Variants in ATP2A3 observed in about 807,000 individuals in gnomAD.
The protein encoded by ATP2A3 is sarcoplasmic/endoplasmic reticulum calcium ATPase 3.
Under a neutral mutation model 106.8 loss-of-function variants are expected in ATP2A3, and 61 were observed. The ratio of observed to expected loss-of-function variants is 0.57; its 90% CI spans 0.46 to 0.71. The LOEUF (loss-of-function observed/expected upper bound fraction) is 0.71. ATP2A3 is among the 30% of genes least tolerant of loss of function. The pLI, the probability that ATP2A3 is intolerant of heterozygous loss-of-function variation, is 0.00. For synonymous variants in ATP2A3, 611 were observed against 609.3 expected, an observed-to-expected ratio of 1.00 and a Z score of -0.04; for missense variants, 1,201 against 1,423.5, an observed-to-expected ratio of 0.84 and a Z score of 2.52.
intron 8 of ATP2A3, chr17:3,945,449 C>T (rs535310063): frequency 6.1e-5 from 19 of 310,068 alleles, no homozygotes; most frequent in Non-Finnish European, 1.0e-4. Flanking sequence ...CTGAGCTAGG[C>T]AGAAAGCCTG....
At position 3,936,637 on chromosome 17, in the gene ATP2A3, C is replaced by T. The variant is rs890517649; in HGVS notation, c.2322-168G>A. On this transcript the variant is annotated intron_variant, in intron 15 of 20. Coordinates refer to ENST00000397041, the MANE Select transcript of ATP2A3 (RefSeq NM_005173.4). The surrounding 1 kb of genome is among the most constrained non-coding windows in gnomAD (Gnocchi z 5.4). ...TGAAGGGTGTGTGTACACAGCTCTG[C>T]CTCGGGCCTGGCCAGTCCTGCCTTC... 2 of 738,146 alleles carry T rather than the reference C, an allele frequency of 2.7e-6. No homozygotes were observed. Among genetic ancestry groups the T allele is most frequent in the Non-Finnish European group, 2.3e-6 (1 of 430,184 alleles). 45.7% of individuals were successfully genotyped at this position (738,146 alleles called of 1,614,324 possible).
At chr17:3,939,001 TACAAAAAA>T (rs1464547608) in intron 14 of ATP2A3, among the ~76,000 whole-genome samples, 1 of 151,884 alleles carries the variant, frequency 6.6e-6, no homozygotes, top group Non-Finnish European at 1.5e-5. Flanking sequence ...ACCTCATCTC[TACAAAAAA>T]TTAAAAAATT....
intron 14 of ATP2A3, among the ~76,000 whole-genome samples, chr17:3,940,055 T>TG (rs2053674310): frequency 7.0e-6 from 1 of 142,320 alleles, no homozygotes; most frequent in Non-Finnish European, 1.5e-5. Context: ...TTTTTGTTTT[T>TG]TTTTTTTTTG....
In ATP2A3 at chr17:3,947,359, C is replaced by T. The variant is rs572970066; in HGVS notation, c.1095+32G>A. ...AGAGGGAGCCCAGCCTGCTCTGCAA[C>T]GCACAGCAACACCAAGCTGGCCGTC... is the stretch of plus-strand genomic sequence containing the variant. On this transcript the variant is annotated intron_variant, in intron 8 of 20. Coordinates refer to ENST00000397041, the MANE Select transcript of ATP2A3 (RefSeq NM_005173.4). The surrounding 1 kb of genome is among the most constrained non-coding windows in gnomAD (Gnocchi z 7.7). 1.8e-5 allele frequency: 29 copies of T among 1,607,952 alleles called. No individual in the cohort carries two copies. The highest frequency in any genetic ancestry group is 1.7e-4 in the Middle Eastern group (1 of 5,912).
chr17:3,957,476 C>T (rs567323209), intron 1 of ATP2A3, among the ~76,000 whole-genome samples: 8 of 152,358 alleles, frequency 5.3e-5, no homozygotes, highest in African/African-American at 1.7e-4. Flanking sequence ...CTTCAGTCGG[C>T]GTGCCCCTCT....
chr17:3,925,161 G>A lies in ATP2A3; in HGVS notation c.*261C>T. The A allele has an allele frequency of 1.7e-6, 1 of 605,340 alleles. No individual in the cohort carries two copies. The highest frequency in any genetic ancestry group is 2.9e-6 in the Non-Finnish European group (1 of 345,732). 37.5% of individuals were successfully genotyped at this position (605,340 alleles called of 1,614,324 possible). On this transcript the variant is annotated 3_prime_UTR_variant, in exon 21 of 21. Transcript: ENST00000397041. The surrounding 1 kb of genome is among the most constrained non-coding windows in gnomAD (Gnocchi z 4.2). ...TGCCCCCTCCCAGCCTGCAGCTCCT[G>A]GGCCAGAGCTGCAGAGCAGGGAACT...
chr17:3,939,568 C>T (rs995542232), intron 14 of ATP2A3, among the ~76,000 whole-genome samples: 1 of 151,816 alleles, frequency 6.6e-6, no homozygotes, highest in African/African-American at 2.4e-5. Context: ...GCGGGCGGAT[C>T]ACAAGGTCAA....
chr17:3,938,656 G>A (rs1409845839), intron 14 of ATP2A3, among the ~76,000 whole-genome samples: 1 of 151,334 alleles, frequency 6.6e-6, no homozygotes, highest in Non-Finnish European at 1.5e-5. Context: ...AGCAATTCTC[G>A]TGCCTCAGCC....
At chr17:3,948,828 C>T (rs1314955377) in intron 7 of ATP2A3, among the ~76,000 whole-genome samples, 2 of 152,080 alleles carry the variant, frequency 1.3e-5, no homozygotes, top group South Asian at 2.1e-4. Flanking sequence ...TAGGTAGGCC[C>T]CTCTCAAGAA....
Position 3,941,083 on chromosome 17 carries a change from G to A in ATP2A3, c.1988C>T (p.Pro663Leu), listed in dbSNP as rs994673117. 1.2e-6 allele frequency: 2 copies of A among 1,613,860 alleles called. No individual in the cohort carries two copies. The highest frequency in any genetic ancestry group is 8.5e-7 in the Non-Finnish European group (1 of 1,179,876). The change falls in exon 14 of 21, where the codon CCC (proline) becomes CTC (leucine). Residue 663 changes from proline to leucine, a missense_variant. Coordinates refer to ENST00000397041, the MANE Select transcript of ATP2A3 (RefSeq NM_005173.4). ...GCGGCAGGCCTGGCGCTGCTGCTCGGGGCTGAGGTCATCAAACTCGCGGCC... is the reference window on the plus strand; with the variant it reads ...GCGGCAGGCCTGGCGCTGCTGCTCGAGGCTGAGGTCATCAAACTCGCGGCC... Reference protein sequence around the residue: ...YTGREFDDLSPEQQRQACRTA... With the variant: ...YTGREFDDLSLEQQRQACRTA...
chr17:3,961,250 T>C (rs1206897480), intron 1 of ATP2A3, among the ~76,000 whole-genome samples: 1 of 152,162 alleles, frequency 6.6e-6, no homozygotes, highest in Non-Finnish European at 1.5e-5. Flanking sequence ...CCCTTGAATG[T>C]TGCACTGTGC....
chr17:3,925,253 C>G lies in ATP2A3; in HGVS notation c.*169G>C, dbSNP rs920189708. 2.7e-6 allele frequency: 3 copies of G among 1,098,322 alleles called. No individual in the cohort carries two copies. Among genetic ancestry groups the G allele is most frequent in the Non-Finnish European group, 2.7e-6 (2 of 751,384 alleles). 68.0% of individuals were successfully genotyped at this position (1,098,322 alleles called of 1,614,324 possible). A position where few individuals can be genotyped will look rare whatever the true frequency, so the allele number is the denominator to read the frequency against. Reference sequence around the variant, plus strand: ...GCCAGAAGGAAGTGGGGACAGAGACCCCAGGACGGGGCCCGGGGATGGCCA... The same window carrying G: ...GCCAGAAGGAAGTGGGGACAGAGACGCCAGGACGGGGCCCGGGGATGGCCA... On this transcript the variant is annotated 3_prime_UTR_variant, in exon 21 of 21. Coordinates refer to ENST00000397041, the MANE Select transcript of ATP2A3 (RefSeq NM_005173.4). This position sits in a 1 kb window ranked among gnomAD's most constrained non-coding sequence, Gnocchi z 4.2.
In ATP2A3 at chr17:3,942,661, T is replaced by C. The variant is rs2053851551; in HGVS notation, c.1490A>G (p.Tyr497Cys). ...AGGGTGAGGGCGGGTGGGCGTGCAGTACACGGACATGGATTTCCGGTCTCG... is the reference window on the plus strand; with the variant it reads ...AGGGTGAGGGCGGGTGGGCGTGCAGCACACGGACATGGATTTCCGGTCTCG... ...FSRDRKSMSV[Y>C]CTPTRPHPTG... The change falls in exon 12 of 21, where the codon TAC becomes TGC. Residue 497 changes from tyrosine to cysteine, a missense_variant. This residue lies in a region of ATP2A3 where 935 missense variants were observed against 1,176.7 expected (regional missense o/e 0.79). Coordinates refer to ENST00000397041, the MANE Select transcript of ATP2A3 (RefSeq NM_005173.4). The C allele has an allele frequency of 1.2e-6, 2 of 1,613,602 alleles. No homozygotes were observed. The highest frequency in any genetic ancestry group is 1.7e-6 in the Non-Finnish European group (2 of 1,179,940).
At chr17:3,948,715 G>A (rs541934881) in intron 7 of ATP2A3, among the ~76,000 whole-genome samples, 1 of 152,066 alleles carries the variant, frequency 6.6e-6, no homozygotes, top group East Asian at 1.9e-4. Flanking sequence ...TACCATGCCC[G>A]GCCCCTCCAA....
Position 3,926,806 on chromosome 17 carries a change from T to C in ATP2A3, c.2981-1365A>G, listed in dbSNP as rs2052731266. On this transcript the variant is annotated intron_variant, in intron 20 of 20. Coordinates refer to ENST00000397041, the MANE Select transcript of ATP2A3 (RefSeq NM_005173.4). This position sits in a 1 kb window ranked among gnomAD's most constrained non-coding sequence, Gnocchi z 4.6. Reference sequence around the variant, plus strand: ...GCTGGTCTCTAACTCCTGACTCAGGTGATCTGCCCACCTCGGCCTCCCAAA... The same window carrying C: ...GCTGGTCTCTAACTCCTGACTCAGGCGATCTGCCCACCTCGGCCTCCCAAA... The C allele has an allele frequency of 1.0e-6, 1 of 959,372 alleles. No individual in the cohort carries two copies. The highest frequency in any genetic ancestry group is 1.8e-5 in the African/African-American group (1 of 56,734). 59.4% of individuals were successfully genotyped at this position (959,372 alleles called of 1,614,324 possible). A position where few individuals can be genotyped will look rare whatever the true frequency, so the allele number is the denominator to read the frequency against.
Position 3,941,181 on chromosome 17 carries a change from G to A in ATP2A3, c.1890C>T (p.Gly630=). 6.2e-7 allele frequency: 1 copy of A among 1,614,150 alleles called. No homozygotes were observed. The highest frequency in any genetic ancestry group is 8.5e-7 in the Non-Finnish European group (1 of 1,180,022). ...RVVMITGDNK[G]TAVAICRRLG... ...GCCTGCGGCAGATGGCCACGGCAGT[G>A]CCTTTGTTATCCCCCGTGATCATGA... The change falls in exon 14 of 21, where the codon GGC becomes GGT. Residue 630 remains glycine, a synonymous_variant. Coordinates refer to ENST00000397041, the MANE Select transcript of ATP2A3 (RefSeq NM_005173.4).
chr17:3,964,379 C>G lies in ATP2A3; in HGVS notation c.-88G>C. ...CAAAGCGGGGCGCGGGGGACTCGGG[C>G]CCGGGCGGGCGCCGCGCGAGGCCAT... On this transcript the variant is annotated 5_prime_UTR_variant, in exon 1 of 21. Transcript: ENST00000397041. 1 of 723,070 alleles carries G rather than the reference C, an allele frequency of 1.4e-6. No individual in the cohort carries two copies. The highest frequency in any genetic ancestry group is 1.7e-6 in the Non-Finnish European group (1 of 571,448). The allele number at this position is 723,070 out of a possible 1,614,324, so 44.8% of individuals were successfully genotyped here.
rs962182593 is a variant in ATP2A3 at position 3,924,451 on chromosome 17, CAA to C, written c.*969_*970del. The C allele has an allele frequency of 3.1e-5, 8 of 256,846 alleles. No homozygotes were observed. Among genetic ancestry groups the C allele is most frequent in the South Asian group, 1.8e-4 (5 of 27,292 alleles). 15.9% of individuals were successfully genotyped at this position (256,846 alleles called of 1,614,324 possible). ...GTGGGGAGGGGGCAAGGAGTGAGGC[CAA>C]GAGTCCAGGAAGCCCACCAGGCTCA... On this transcript the variant is annotated 3_prime_UTR_variant, in exon 21 of 21. Coordinates refer to ENST00000397041, the MANE Select transcript of ATP2A3 (RefSeq NM_005173.4). This position sits in a 1 kb window ranked among gnomAD's most constrained non-coding sequence, Gnocchi z 6.4.
intron 1 of ATP2A3, among the ~76,000 whole-genome samples, chr17:3,957,036 T>C (rs2054820879): frequency 1.3e-5 from 2 of 152,214 alleles, no homozygotes; most frequent in African/African-American, 4.8e-5. Context: ...TGCCAAGCAA[T>C]GTACCAGGTG....
Sources: allele counts gnomAD v4.1 joint callset (sites outside exome capture counted in the v4.1 genomes callset), GRCh38; gene constraint gnomAD v4.1.1; regional missense constraint gnomAD v4.1.1; non-coding constraint Gnocchi (gnomAD v3.1); transcripts MANE v1.5; gene names NCBI Gene and HGNC (gene_info 2026-07-23, HGNC 2026-07-21).